The following HEATR9 variants were observed in gnomAD, a reference collection of about 807,000 sequenced individuals.
HEATR9 encodes the protein HEAT repeat containing 9, also known as protein HEATR9.
A neutral mutation model predicts 68.2 loss-of-function variants in HEATR9; 54 were observed. The observed-to-expected ratio is 0.79, with a 90% CI of 0.64 to 0.99. The LOEUF is 0.99. Ranked by LOEUF, HEATR9 falls within the 50% of genes least tolerant of loss-of-function variation. HEATR9 has a pLI of 0.00. For missense variants in HEATR9, 662 were observed against 679.7 expected (o/e 0.97, Z 0.29); for synonymous variants, 241 against 253.5 (o/e 0.95, Z 0.47).
At chr17:35,855,608 G>A in intron 14 of HEATR9, 56 bp downstream of exon 14, 1 of 1,527,132 alleles carries the variant, frequency 6.5e-7, no homozygotes, top group South Asian at 1.1e-5. Flanking sequence ...ATAGGTGGGA[G>A]AAGCTTGAAG....
chr17:35,856,167 C>T lies in HEATR9; in HGVS notation c.1278+6G>A. Reference sequence around the variant, plus strand: ...AATTGGGTCAGAGAAGCAGAGCCTGCCTTACCAAAGAGATGACTGCTTCCT... The same window carrying T: ...AATTGGGTCAGAGAAGCAGAGCCTGTCTTACCAAAGAGATGACTGCTTCCT... On this transcript the variant is annotated splice_donor_region_variant and intron_variant, in intron 13 of 14. Transcript: ENST00000604834. 6.2e-7 allele frequency: 1 copy of T among 1,613,824 alleles called. No homozygotes were observed. The highest frequency in any genetic ancestry group is 8.5e-7 in the Non-Finnish European group (1 of 1,179,862).
At position 35,859,450 on chromosome 17, in the gene HEATR9, A is replaced by G. The variant is rs1024228009; in HGVS notation, c.757-380T>C. On this transcript the variant is annotated intron_variant, in intron 8 of 14. Transcript: ENST00000604834. The stretch of plus-strand genomic sequence containing the variant: ...CTTCTCCATAATCTCCATTTCATGG[A>G]TCCCACTCTCTGACCATCACCTCTT... 2.0e-5 allele frequency among the ~76,000 whole-genome samples: 3 copies of G among 152,070 alleles called. No homozygotes were observed. In the South Asian group the frequency reaches 6.2e-4, roughly 32 times the overall value.
Position 35,858,481 on chromosome 17 carries a change from TG to T in HEATR9, c.983del (p.Pro328GlnfsTer7). On this transcript the variant is annotated frameshift_variant, in exon 10 of 15. Transcript: ENST00000604834. LOFTEE classifies it high-confidence loss of function. The stretch of plus-strand genomic sequence containing the variant: ...GCTGGTCTAGGATGGCCTTGATGAC[TG>T]GGGCTGAGTGCACGTGCATCACCTT... ...LVKVMHVHSA[P>X]VIKAILDQLC... The T allele has an allele frequency of 6.2e-7, 1 of 1,614,058 alleles. No individual in the cohort carries two copies. The highest frequency in any genetic ancestry group is 8.5e-7 in the Non-Finnish European group (1 of 1,180,016).
In HEATR9 at chr17:35,855,755, C is replaced by T; in HGVS notation, c.1279-5G>A. 1 of 1,613,350 alleles carries T rather than the reference C, an allele frequency of 6.2e-7. No individual in the cohort carries two copies. Among genetic ancestry groups the T allele is most frequent in the South Asian group, 1.1e-5 (1 of 91,064 alleles). ...ACTGCGGATCCCCAGGACACCCTGG[C>T]AGAGGCAGAGTGAGAGTGCCTATGT... On this transcript the variant is annotated splice_region_variant and splice_polypyrimidine_tract_variant and intron_variant, in intron 13 of 14. Coordinates refer to ENST00000604834, the MANE Select transcript of HEATR9 (RefSeq NM_152781.4).
At chr17:35,859,269 C>G (rs2143907694) in intron 8 of HEATR9, among the ~76,000 whole-genome samples, 199 bp from the exon 9 acceptor site, 1 of 152,292 alleles carries the variant, frequency 6.6e-6, no homozygotes, top group African/African-American at 2.4e-5. Flanking sequence ...GGATGGATCA[C>G]TGTTACTCTC....
In HEATR9 at chr17:35,867,017, C is replaced by T. The variant is rs138356340; in HGVS notation, c.89-244G>A. 7.5e-4 allele frequency among the ~76,000 whole-genome samples: 114 copies of T among 151,760 alleles called. 1 individual carries two copies. In the East Asian group the frequency reaches 0.018, roughly 25 times the overall value. ...CTGTAATCCCAGCACTTTGGGAGGC[C>T]GAGACGGGCGGATCACGAGGTCAGG... is the stretch of plus-strand genomic sequence containing the variant. On this transcript the variant is annotated intron_variant, in intron 1 of 14. Coordinates refer to ENST00000604834, the MANE Select transcript of HEATR9 (RefSeq NM_152781.4).
At chr17:35,856,071 C>G in intron 13 of HEATR9, 102 bp downstream of exon 13, 7 of 1,296,080 alleles carry the variant, frequency 5.4e-6, no homozygotes, top group Non-Finnish European at 7.8e-6. Flanking sequence ...ACAACTTCCC[C>G]GAAGTTTACA....
chr17:35,863,605 A>G, intron 6 of HEATR9, 46 bp from the exon 7 acceptor site: 2 of 1,581,580 alleles, frequency 1.3e-6, no homozygotes, highest in South Asian at 2.2e-5. Context: ...AGGTGATGGA[A>G]TGTCAGAGCT....
chr17:35,858,870 G>T lies in HEATR9; in HGVS notation c.939+18C>A. Reference sequence around the variant, plus strand: ...GGCTTCTGTTTCCCCAGGGATCCCAGCCTCCTGCCCCTCACACCTTCATCC... The same window carrying T: ...GGCTTCTGTTTCCCCAGGGATCCCATCCTCCTGCCCCTCACACCTTCATCC... On this transcript the variant is annotated intron_variant, in intron 9 of 14. Coordinates refer to ENST00000604834, the MANE Select transcript of HEATR9 (RefSeq NM_152781.4). 6.2e-7 allele frequency: 1 copy of T among 1,609,836 alleles called. No homozygotes were observed. The highest frequency in any genetic ancestry group is 8.5e-7 in the Non-Finnish European group (1 of 1,177,814).
rs773064949 is a variant in HEATR9 at position 35,856,233 on chromosome 17, A to G, written c.1227-9T>C. The G allele has an allele frequency of 1.2e-6, 2 of 1,613,948 alleles. No homozygotes were observed. Among genetic ancestry groups the G allele is most frequent in the African/African-American group, 1.3e-5 (1 of 74,892 alleles). ...CTGGGTTCATCAGTTGTCTGTGTAGAAGGGAGTGAGTATGTTATAGTTGAA... is the reference window on the plus strand; with the variant it reads ...CTGGGTTCATCAGTTGTCTGTGTAGGAGGGAGTGAGTATGTTATAGTTGAA... On this transcript the variant is annotated splice_polypyrimidine_tract_variant and intron_variant, in intron 12 of 14. Transcript: ENST00000604834.
chr17:35,861,414 C>G, intron 8 of HEATR9: 3 of 1,608,914 alleles, frequency 1.9e-6, no homozygotes, highest in Non-Finnish European at 1.7e-6. Flanking sequence ...ATGCTTTGGT[C>G]CACCTAACTT....
At chr17:35,858,164 G>A in intron 11 of HEATR9, 36 bp downstream of exon 11, 1 of 1,613,616 alleles carries the variant, frequency 6.2e-7, no homozygotes, top group East Asian at 2.2e-5. Context: ...GAAAGGTTTG[G>A]GTGTCTCTGG....
intron 2 of HEATR9, 53 bp from the exon 3 acceptor site, chr17:35,865,449 G>C (rs2088168545): frequency 2.1e-6 from 3 of 1,435,736 alleles, no homozygotes; most frequent in Middle Eastern, 2.4e-4. Flanking sequence ...GCCCTTACTT[G>C]TGAGGGTATG....
At chr17:35,860,639 G>A (rs1227862744) in intron 8 of HEATR9, among the ~76,000 whole-genome samples, 2 of 150,284 alleles carry the variant, frequency 1.3e-5, no homozygotes, top group African/African-American at 2.4e-5. Flanking sequence ...ACAGGCGCCC[G>A]CCAGCACACC....
intron 2 of HEATR9, 22 bp downstream of exon 2, chr17:35,866,702 T>A (rs1258083942): frequency 1.1e-5 from 18 of 1,609,352 alleles, no homozygotes; most frequent in Non-Finnish European, 1.5e-5. Context: ...GCTCCCAGGG[T>A]AGCAAAAGTA....
chr17:35,862,624 A>G (rs1180827184), intron 8 of HEATR9, among the ~76,000 whole-genome samples: 1 of 152,220 alleles, frequency 6.6e-6, no homozygotes, highest in Non-Finnish European at 1.5e-5. Context: ...ATGACGTCCC[A>G]TGGATGGGTT....
chr17:35,858,079 G>T (rs2087840078), intron 11 of HEATR9, 121 bp downstream of exon 11: 15 of 1,408,510 alleles, frequency 1.1e-5, no homozygotes, highest in Non-Finnish European at 1.5e-5. Context: ...GGCTGCATTA[G>T]TTGAACAGGA....
chr17:35,868,027 C>T (rs1193701828), intron 1 of HEATR9, among the ~76,000 whole-genome samples: 2 of 152,276 alleles, frequency 1.3e-5, no homozygotes, highest in Admixed American at 6.5e-5. Flanking sequence ...GTGATCCGCC[C>T]GCTTTGGCCT....
chr17:35,867,095 CA>C (rs36121754), intron 1 of HEATR9, among the ~76,000 whole-genome samples: 96,947 of 143,692 alleles, frequency 0.67, 33,391 homozygotes, highest in African/African-American at 0.88. Flanking sequence ...ACTAAAAATA[CA>C]AAAAAAAAAA....
Sources: allele counts gnomAD v4.1 joint callset (sites outside exome capture counted in the v4.1 genomes callset), GRCh38; gene constraint gnomAD v4.1.1; transcripts MANE v1.5; gene names NCBI Gene and HGNC (gene_info 2026-07-23, HGNC 2026-07-21).